The following ADGRL3 variants were observed in gnomAD, a reference collection of about 807,000 sequenced individuals.
ADGRL3 encodes calcium-independent alpha-latrotoxin receptor 3.
ADGRL3 carries 62 observed loss-of-function variants against 153.5 expected under a neutral mutation model. The ratio of observed to expected loss-of-function variants is 0.40; its 90% CI spans 0.33 to 0.50. The LOEUF (loss-of-function observed/expected upper bound fraction) is 0.50. Among genes scored for constraint, ADGRL3 ranks in the 20% least tolerant of loss-of-function variants. The probability of loss-of-function intolerance (pLI) is 0.47; values close to 1 mark genes in which losing one functional copy is unlikely to be tolerated. For missense variants in ADGRL3, 1,641 were observed against 1,859.4 expected (o/e 0.88, Z 2.16); for synonymous variants, 710 against 672.5 (o/e 1.06, Z -0.86).
At chr4:62,031,733 A>G in intron 23 of ADGRL3, 123 bp downstream of exon 23, 7 of 666,776 alleles carry the variant, frequency 1.0e-5, no homozygotes, top group Non-Finnish European at 1.7e-5. Context: ...GATACTCATC[A>G]TTTATAACAG....
chr4:61,427,695 C>G (rs564986117), intron 2 of ADGRL3: 1 of 152,766 alleles, frequency 6.5e-6, no homozygotes, highest in Non-Finnish European at 1.5e-5. Context: ...TCAGACCTGG[C>G]GGGGGTCTCT....
chr4:61,847,972 T>G (rs1325543339), intron 9 of ADGRL3, among the ~76,000 whole-genome samples: 4 of 14,742 alleles, frequency 2.7e-4, no homozygotes, highest in African/African-American at 8.5e-4. Flanking sequence ...ATTATATATA[T>G]AATATAAAAT....
At chr4:61,511,856 T>C (rs1215801376) in intron 3 of ADGRL3, among the ~76,000 whole-genome samples, 1 of 152,206 alleles carries the variant, frequency 6.6e-6, no homozygotes, top group Non-Finnish European at 1.5e-5. Flanking sequence ...CATGATGGCA[T>C]CTTTACTCAG....
chr4:61,827,278 G>A (rs1299439175), intron 9 of ADGRL3, among the ~76,000 whole-genome samples: 1 of 152,064 alleles, frequency 6.6e-6, no homozygotes, highest in South Asian at 2.1e-4. Context: ...GTTAAATCAC[G>A]GATAGTGTTA....
intron 1 of ADGRL3, among the ~76,000 whole-genome samples, chr4:61,242,630 T>C (rs1755469291): frequency 1.3e-5 from 2 of 152,020 alleles, no homozygotes; most frequent in Admixed American, 6.6e-5. Context: ...AACAGTTACA[T>C]GCATTTTTTA....
At chr4:61,372,494 A>C (rs949155481) in intron 1 of ADGRL3, among the ~76,000 whole-genome samples, 7 of 152,084 alleles carry the variant, frequency 4.6e-5, no homozygotes, top group African/African-American at 1.7e-4. Flanking sequence ...CTGCAGTGTG[A>C]GGTGTCAGTG....
chr4:61,431,663 T>C (rs1298063674), intron 2 of ADGRL3, among the ~76,000 whole-genome samples: 1 of 152,206 alleles, frequency 6.6e-6, no homozygotes. Context: ...ATTATTGGGA[T>C]AGAAGGAAAG....
chr4:61,902,761 G>C (rs1051449949), intron 11 of ADGRL3, among the ~76,000 whole-genome samples: 1 of 152,034 alleles, frequency 6.6e-6, no homozygotes, highest in East Asian at 1.9e-4. Flanking sequence ...TTCTTCCTCA[G>C]AGAAGCATTT....
intron 2 of ADGRL3, among the ~76,000 whole-genome samples, chr4:61,486,424 G>A (rs1351815818): frequency 1.3e-5 from 2 of 152,104 alleles, no homozygotes; most frequent in Admixed American, 6.5e-5. Flanking sequence ...GAACTACTCA[G>A]GTGATTTTAT....
intron 4 of ADGRL3, among the ~76,000 whole-genome samples, chr4:61,569,406 C>G (rs1451200977): frequency 6.6e-6 from 1 of 152,114 alleles, no homozygotes; most frequent in Non-Finnish European, 1.5e-5. Context: ...AAGGAAAGCT[C>G]TACCTATTAG....
At position 62,070,930 on chromosome 4, in the gene ADGRL3, C is replaced by G. The variant is rs1745477195; in HGVS notation, c.*22C>G. ...ATAGAAGATGACACAGAAATTGGAA[C>G]CAACAAAACTGCTAACACCTTGTTG... On this transcript the variant is annotated 3_prime_UTR_variant, in exon 27 of 27. Coordinates refer to ENST00000683033, the MANE Select transcript of ADGRL3 (RefSeq NM_001387552.1). The G allele has an allele frequency of 6.6e-7, 1 of 1,517,268 alleles. No individual in the cohort carries two copies. The highest frequency in any genetic ancestry group is 1.3e-5 in the South Asian group (1 of 79,238). The allele number at this position is 1,517,268 out of a possible 1,614,324, so 94.0% of individuals were successfully genotyped here. A position where few individuals can be genotyped will look rare whatever the true frequency, so the allele number is the denominator to read the frequency against.
At chr4:61,906,607 A>G (rs893949424) in intron 11 of ADGRL3, among the ~76,000 whole-genome samples, 20 of 152,172 alleles carry the variant, frequency 1.3e-4, no homozygotes, top group African/African-American at 4.8e-4. Context: ...TTTAATAGAC[A>G]ATGGTAATTT....
chr4:62,032,271 AAT>A (rs775323366), intron 23 of ADGRL3, among the ~76,000 whole-genome samples: 1 of 150,914 alleles, frequency 6.6e-6, no homozygotes, highest in African/African-American at 2.4e-5. Context: ...GTAAGGACAT[AAT>A]ATATATATAT....
At position 61,481,717 on chromosome 4, in the gene ADGRL3, ATATAC is replaced by A. The variant is rs566096839; in HGVS notation, c.-173-15399_-173-15395del. 1.8e-4 allele frequency among the ~76,000 whole-genome samples: 28 copies of A among 152,160 alleles called. No individual in the cohort carries two copies. In the South Asian group the frequency reaches 3.7e-3, roughly 20 times the overall value. ...ATATACATTTTAATGATAAAATAAG[ATATAC>A]TATAGAGGAAAAAGAAAGAAGGAAC... is the stretch of plus-strand genomic sequence containing the variant. On this transcript the variant is annotated intron_variant, in intron 2 of 26. Transcript: ENST00000683033.
chr4:61,407,228 A>C (rs2097013428), intron 2 of ADGRL3, among the ~76,000 whole-genome samples: 1 of 152,072 alleles, frequency 6.6e-6, no homozygotes, highest in Admixed American at 6.6e-5. Context: ...GGAAGTCAAG[A>C]TTGCAGCCGC....
intron 1 of ADGRL3, among the ~76,000 whole-genome samples, chr4:61,228,130 A>G (rs1748806809): frequency 1.3e-5 from 2 of 152,084 alleles, no homozygotes; most frequent in African/African-American, 4.8e-5. Context: ...TAAAATGTGA[A>G]GTAATTCATA....
chr4:61,627,388 C>T (rs897022673), intron 5 of ADGRL3, among the ~76,000 whole-genome samples: 6 of 151,992 alleles, frequency 3.9e-5, no homozygotes, highest in African/African-American at 7.2e-5. Flanking sequence ...CAGAGGTGGG[C>T]GGATCACCTG....
chr4:61,293,736 A>G (rs2094309105), intron 1 of ADGRL3, among the ~76,000 whole-genome samples: 1 of 152,192 alleles, frequency 6.6e-6, no homozygotes, highest in Non-Finnish European at 1.5e-5. Context: ...ATCCAACTAC[A>G]AATCTGTTAA....
chr4:62,063,516 A>G, intron 25 of ADGRL3: 1 of 689,306 alleles, frequency 1.5e-6, no homozygotes, highest in East Asian at 2.7e-5. Flanking sequence ...AGCCATGGCT[A>G]ATCATCTTAT....
Sources: allele counts gnomAD v4.1 joint callset (sites outside exome capture counted in the v4.1 genomes callset), GRCh38; gene constraint gnomAD v4.1.1; transcripts MANE v1.5; gene names NCBI Gene and HGNC (gene_info 2026-07-23, HGNC 2026-07-21).